Variants in TAL2 observed in about 807,000 individuals in gnomAD.
The protein encoded by TAL2 is T-cell acute lymphocytic leukemia protein 2.
For synonymous variants in TAL2, 48 were observed against 52.4 expected, an observed-to-expected ratio of 0.92 and a Z score of 0.36; for missense variants, 114 against 129.6, an observed-to-expected ratio of 0.88 and a Z score of 0.58.
chr9:105,662,630 G>T lies in TAL2; in HGVS notation c.134G>T (p.Arg45Leu), dbSNP rs748538341. The change falls in exon 1 of 1, where the codon CGC becomes CTC. Residue 45 changes from arginine (R) to leucine (L), a missense_variant. Physicochemically the swap from Arg to Leu is moderately radical, Grantham distance 102. Coordinates refer to ENST00000334077, the MANE Select transcript of TAL2 (RefSeq NM_005421.3). ...AAGCTGAGCAAAAATGAAACGCTTC[G>T]CCTGGCAATGAGGTATATCAACTTC... ...DKKLSKNETL[R>L]LAMRYINFLV... is the part of the protein sequence containing the mutation. 1 of 1,613,944 alleles carries T rather than the reference G, an allele frequency of 6.2e-7. No homozygotes were observed. The highest frequency in any genetic ancestry group is 8.5e-7 in the Non-Finnish European group (1 of 1,180,000).
Position 105,662,607 on chromosome 9 carries a change from G to A in TAL2, c.111G>A (p.Lys37=). 6.2e-7 allele frequency: 1 copy of A among 1,613,926 alleles called. No individual in the cohort carries two copies. ...KLIPTHPPDK[K]LSKNETLRLA... is the part of the protein sequence containing the mutation. ...TCCCCACTCACCCTCCAGACAAAAA[G>A]CTGAGCAAAAATGAAACGCTTCGCC... The change falls in exon 1 of 1, where the codon AAG becomes AAA. Residue 37 remains lysine (K), a synonymous_variant. Transcript: ENST00000334077.
At position 105,662,526 on chromosome 9, in the gene TAL2, G is replaced by A; in HGVS notation, c.30G>A (p.Arg10=). Residue 10 remains arginine (R), a synonymous_variant, in exon 1 of 1, where the codon AGG becomes AGA. Transcript: ENST00000334077. MTRKIFTNT[R]ERWRQQNVNS... ...CCAGGAAGATCTTCACAAATACCAGGGAGCGGTGGAGGCAGCAGAATGTCA... is the reference window on the plus strand; with the variant it reads ...CCAGGAAGATCTTCACAAATACCAGAGAGCGGTGGAGGCAGCAGAATGTCA... 1 of 1,610,064 alleles carries A rather than the reference G, an allele frequency of 6.2e-7. No individual in the cohort carries two copies. The highest frequency in any genetic ancestry group is 8.5e-7 in the Non-Finnish European group (1 of 1,178,820).
chr9:105,662,734 C>T lies in TAL2; in HGVS notation c.238C>T (p.Gln80Ter), dbSNP rs765092667. 4.4e-6 allele frequency: 7 copies of T among 1,594,830 alleles called. No homozygotes were observed. Among genetic ancestry groups the T allele is most frequent in the Non-Finnish European group, 6.0e-6 (7 of 1,170,282 alleles). ...GGGGAACATTCTGGGGCTCTTCCCTCAAGGACCCCACCTGCCAGGCCTGGA... is the reference window on the plus strand; with the variant it reads ...GGGGAACATTCTGGGGCTCTTCCCTTAAGGACCCCACCTGCCAGGCCTGGA... ...AQGNILGLFP[Q>*]GPHLPGLEDR... Residue 80 changes from glutamine (Q) to a stop codon, truncating the protein, a stop_gained, in exon 1 of 1, where the codon CAA becomes TAA. Coordinates refer to ENST00000334077, the MANE Select transcript of TAL2 (RefSeq NM_005421.3). LOFTEE classifies it low-confidence loss of function (END_TRUNC).
At position 105,662,885 on chromosome 9, in the gene TAL2, AC is replaced by A; in HGVS notation, c.*63del. The A allele has an allele frequency of 7.6e-7, 1 of 1,311,832 alleles. No individual in the cohort carries two copies. Among genetic ancestry groups the A allele is most frequent in the African/African-American group, 1.5e-5 (1 of 66,580 alleles). 81.3% of individuals were successfully genotyped at this position (1,311,832 alleles called of 1,614,324 possible). On this transcript the variant is annotated 3_prime_UTR_variant, in exon 1 of 1. Coordinates refer to ENST00000334077, the MANE Select transcript of TAL2 (RefSeq NM_005421.3). ...CCCAGAAATCACTGCCTGTGGACAG[AC>A]TTTTGCATGTTCCAGAGTTGACCTG...
chr9:105,662,717 T>G lies in TAL2; in HGVS notation c.221T>G (p.Ile74Ser). 2 of 1,606,864 alleles carry G rather than the reference T, an allele frequency of 1.2e-6. No homozygotes were observed. Among genetic ancestry groups the G allele is most frequent in the Non-Finnish European group, 1.7e-6 (2 of 1,176,376 alleles). ...ACGGGAGTGGCTGCTCAGGGGAACA[T>G]TCTGGGGCTCTTCCCTCAAGGACCC... ...QQTGVAAQGNILGLFPQGPHL... is the reference protein window; with the variant it reads ...QQTGVAAQGNSLGLFPQGPHL... Residue 74 changes from isoleucine to serine, a missense_variant, in exon 1 of 1, where the codon ATT (isoleucine) becomes AGT (serine). Ile to Ser is a moderately radical substitution (Grantham distance 142). Transcript: ENST00000334077.
chr9:105,662,525 G>T lies in TAL2; in HGVS notation c.29G>T (p.Arg10Met). Residue 10 changes from arginine (R) to methionine (M), a missense_variant, in exon 1 of 1, where the codon AGG becomes ATG. Physicochemically the swap from Arg to Met is moderately conservative, Grantham distance 91 (BLOSUM62 -1). Transcript: ENST00000334077. Reference protein sequence around the residue: MTRKIFTNTRERWRQQNVNS... With the variant: MTRKIFTNTMERWRQQNVNS... ...ACCAGGAAGATCTTCACAAATACCA[G>T]GGAGCGGTGGAGGCAGCAGAATGTC... The T allele has an allele frequency of 6.2e-7, 1 of 1,610,076 alleles. No homozygotes were observed. The highest frequency in any genetic ancestry group is 8.5e-7 in the Non-Finnish European group (1 of 1,178,854).
In TAL2 at chr9:105,662,681, G is replaced by T; in HGVS notation, c.185G>T (p.Ser62Ile). 6.2e-7 allele frequency: 1 copy of T among 1,613,368 alleles called. No individual in the cohort carries two copies. The highest frequency in any genetic ancestry group is 8.5e-7 in the Non-Finnish European group (1 of 1,179,690). ...TTGGTCAAGGTCTTGGGGGAGCAAA[G>T]CCTGCAACAAACGGGAGTGGCTGCT... ...NFLVKVLGEQSLQQTGVAAQG... is the reference protein window; with the variant it reads ...NFLVKVLGEQILQQTGVAAQG... Residue 62 changes from serine to isoleucine, a missense_variant, in exon 1 of 1, where the codon AGC becomes ATC. By Grantham distance (142) the Ser-to-Ile change is moderately radical (BLOSUM62 -2). Coordinates refer to ENST00000334077, the MANE Select transcript of TAL2 (RefSeq NM_005421.3).
chr9:105,662,645 A>G lies in TAL2; in HGVS notation c.149A>G (p.Tyr50Cys). Residue 50 changes from tyrosine (Y) to cysteine (C), a missense_variant, in exon 1 of 1, where the codon TAT becomes TGT. Tyr to Cys is a radical substitution (Grantham distance 194). Coordinates refer to ENST00000334077, the MANE Select transcript of TAL2 (RefSeq NM_005421.3). ...GAAACGCTTCGCCTGGCAATGAGGT[A>G]TATCAACTTCTTGGTCAAGGTCTTG... ...KNETLRLAMRYINFLVKVLGE... is the reference protein window; with the variant it reads ...KNETLRLAMRCINFLVKVLGE... 3 of 1,614,046 alleles carry G rather than the reference A, an allele frequency of 1.9e-6. No individual in the cohort carries two copies. Among genetic ancestry groups the G allele is most frequent in the Non-Finnish European group, 2.5e-6 (3 of 1,179,982 alleles).
In TAL2 at chr9:105,662,809, C is replaced by T. The variant is rs1365356124; in HGVS notation, c.313C>T (p.His105Tyr). The T allele has an allele frequency of 6.6e-7, 1 of 1,508,308 alleles. No individual in the cohort carries two copies. The highest frequency in any genetic ancestry group is 1.4e-5 in the African/African-American group (1 of 71,388). The allele number at this position is 1,508,308 out of a possible 1,614,324, so 93.4% of individuals were successfully genotyped here. Residue 105 changes from histidine (H) to tyrosine (Y), a missense_variant, in exon 1 of 1, where the codon CAC (histidine) becomes TAC (tyrosine). Coordinates refer to ENST00000334077, the MANE Select transcript of TAL2 (RefSeq NM_005421.3). Reference protein sequence around the residue: ...NYQVPSPGPSHHIP With the variant: ...NYQVPSPGPSYHIP ...CCAGGTTCCTTCACCTGGTCCAAGCCACCACATTCCTTAGTGTGGCTCTGG... is the reference window on the plus strand; with the variant it reads ...CCAGGTTCCTTCACCTGGTCCAAGCTACCACATTCCTTAGTGTGGCTCTGG...
rs142485426 is a variant in TAL2, at chr9:105,662,788, G to T, written c.292G>T (p.Val98Phe). ...EDRTLLENYQ[V>F]PSPGPSHHIP ...CAGAACTCTGCTTGAGAACTACCAG[G>T]TTCCTTCACCTGGTCCAAGCCACCA... is the stretch of plus-strand genomic sequence containing the variant. Residue 98 changes from valine to phenylalanine, a missense_variant, in exon 1 of 1, where the codon GTT becomes TTT. Coordinates refer to ENST00000334077, the MANE Select transcript of TAL2 (RefSeq NM_005421.3). The T allele has an allele frequency of 6.6e-7, 1 of 1,524,130 alleles. No homozygotes were observed. Among genetic ancestry groups the T allele is most frequent in the Non-Finnish European group, 8.8e-7 (1 of 1,137,448 alleles). 94.4% of individuals were successfully genotyped at this position (1,524,130 alleles called of 1,614,324 possible).
Position 105,662,538 on chromosome 9 carries a change from G to C in TAL2, c.42G>C (p.Arg14Ser). The change falls in exon 1 of 1, where the codon AGG becomes AGC. Residue 14 changes from arginine to serine, a missense_variant. Transcript: ENST00000334077. ...KIFTNTRERW[R>S]QQNVNSAFAK... is the part of the protein sequence containing the mutation. ...TCACAAATACCAGGGAGCGGTGGAG[G>C]CAGCAGAATGTCAACAGCGCCTTTG... is the stretch of plus-strand genomic sequence containing the variant. 6.2e-7 allele frequency: 1 copy of C among 1,613,064 alleles called. No homozygotes were observed. The highest frequency in any genetic ancestry group is 1.1e-5 in the South Asian group (1 of 90,734).
Position 105,662,463 on chromosome 9 carries a change from G to C in TAL2, c.-34G>C. 2 of 1,547,086 alleles carry C rather than the reference G, an allele frequency of 1.3e-6. No individual in the cohort carries two copies. The highest frequency in any genetic ancestry group is 1.7e-6 in the Non-Finnish European group (2 of 1,148,964). On this transcript the variant is annotated 5_prime_UTR_variant, in exon 1 of 1. Coordinates refer to ENST00000334077, the MANE Select transcript of TAL2 (RefSeq NM_005421.3). ...GCCTCTTATAAGATATTGGCCCTGA[G>C]GGCCCTTTCTCTTTCCATCTCAGGA...
chr9:105,662,767 A>T lies in TAL2; in HGVS notation c.271A>T (p.Thr91Ser). ...GPHLPGLEDR[T>S]LLENYQVPSP... Reference sequence around the variant, plus strand: ...CCACCTGCCAGGCCTGGAGGACAGAACTCTGCTTGAGAACTACCAGGTTCC... The same window carrying T: ...CCACCTGCCAGGCCTGGAGGACAGATCTCTGCTTGAGAACTACCAGGTTCC... The change falls in exon 1 of 1, where the codon ACT (threonine) becomes TCT (serine). Residue 91 changes from threonine (T) to serine (S), a missense_variant. Coordinates refer to ENST00000334077, the MANE Select transcript of TAL2 (RefSeq NM_005421.3). 6.5e-7 allele frequency: 1 copy of T among 1,548,832 alleles called. No homozygotes were observed. Among genetic ancestry groups the T allele is most frequent in the South Asian group, 1.3e-5 (1 of 78,766 alleles).
At position 105,662,760 on chromosome 9, in the gene TAL2, G is replaced by A. The variant is rs536131838; in HGVS notation, c.264G>A (p.Glu88=). Residue 88 remains glutamate, a synonymous_variant, in exon 1 of 1, where the codon GAG becomes GAA. Transcript: ENST00000334077. ...FPQGPHLPGL[E]DRTLLENYQV... ...AAGGACCCCACCTGCCAGGCCTGGAGGACAGAACTCTGCTTGAGAACTACC... is the reference window on the plus strand; with the variant it reads ...AAGGACCCCACCTGCCAGGCCTGGAAGACAGAACTCTGCTTGAGAACTACC... 1.3e-5 allele frequency: 21 copies of A among 1,562,832 alleles called. No homozygotes were observed. Among genetic ancestry groups the A allele is most frequent in the Admixed American group, 1.9e-5 (1 of 52,410 alleles).
At position 105,662,675 on chromosome 9, in the gene TAL2, A is replaced by C; in HGVS notation, c.179A>C (p.Glu60Ala). 6.2e-7 allele frequency: 1 copy of C among 1,613,142 alleles called. No homozygotes were observed. The highest frequency in any genetic ancestry group is 1.1e-5 in the South Asian group (1 of 90,788). ...AACTTCTTGGTCAAGGTCTTGGGGGAGCAAAGCCTGCAACAAACGGGAGTG... is the reference window on the plus strand; with the variant it reads ...AACTTCTTGGTCAAGGTCTTGGGGGCGCAAAGCCTGCAACAAACGGGAGTG... ...YINFLVKVLGEQSLQQTGVAA... is the reference protein window; with the variant it reads ...YINFLVKVLGAQSLQQTGVAA... Residue 60 changes from glutamate to alanine, a missense_variant, in exon 1 of 1, where the codon GAG becomes GCG. Transcript: ENST00000334077.
rs1268733868 is a variant in TAL2 at position 105,662,603 on chromosome 9, A to C, written c.107A>C (p.Lys36Thr). The C allele has an allele frequency of 6.2e-7, 1 of 1,614,042 alleles. No homozygotes were observed. The highest frequency in any genetic ancestry group is 1.7e-5 in the Admixed American group (1 of 60,006). Reference protein sequence around the residue: ...RKLIPTHPPDKKLSKNETLRL... With the variant: ...RKLIPTHPPDTKLSKNETLRL... ...CTCATCCCCACTCACCCTCCAGACAAAAAGCTGAGCAAAAATGAAACGCTT... is the reference window on the plus strand; with the variant it reads ...CTCATCCCCACTCACCCTCCAGACACAAAGCTGAGCAAAAATGAAACGCTT... The change falls in exon 1 of 1, where the codon AAA becomes ACA. Residue 36 changes from lysine (K) to threonine (T), a missense_variant. Physicochemically the swap from Lys to Thr is moderately conservative, Grantham distance 78 (BLOSUM62 -1). Transcript: ENST00000334077.
At position 105,662,509 on chromosome 9, in the gene TAL2, A is replaced by G. The variant is rs1206381468; in HGVS notation, c.13A>G (p.Ile5Val). 1 of 1,605,500 alleles carries G rather than the reference A, an allele frequency of 6.2e-7. No homozygotes were observed. Among genetic ancestry groups the G allele is most frequent in the Non-Finnish European group, 8.5e-7 (1 of 1,177,118 alleles). ...CAGGAACTCAAACATGACCAGGAAG[A>G]TCTTCACAAATACCAGGGAGCGGTG... MTRK[I>V]FTNTRERWRQ... Residue 5 changes from isoleucine (I) to valine (V), a missense_variant, in exon 1 of 1, where the codon ATC becomes GTC. Physicochemically the swap from Ile to Val is conservative, Grantham distance 29. Transcript: ENST00000334077.
rs1564373819 is a variant in TAL2, at chr9:105,662,626, C to T, written c.130C>T (p.Leu44Phe). The change falls in exon 1 of 1, where the codon CTT becomes TTT. Residue 44 changes from leucine (L) to phenylalanine (F), a missense_variant. Transcript: ENST00000334077. The part of the protein sequence containing the change: ...PDKKLSKNET[L>F]RLAMRYINFL... ...CAAAAAGCTGAGCAAAAATGAAACG[C>T]TTCGCCTGGCAATGAGGTATATCAA... is the stretch of plus-strand genomic sequence containing the variant. The T allele has an allele frequency of 6.2e-7, 1 of 1,614,104 alleles. No individual in the cohort carries two copies.
In TAL2 at chr9:105,663,029, C is replaced by G. The variant is rs1372590615; in HGVS notation, c.*206C>G. 4.8e-6 allele frequency: 2 copies of G among 414,180 alleles called. No homozygotes were observed. The highest frequency in any genetic ancestry group is 2.1e-5 in the African/African-American group (1 of 48,422). The allele number at this position is 414,180 out of a possible 1,614,324, so 25.7% of individuals were successfully genotyped here. On this transcript the variant is annotated 3_prime_UTR_variant, in exon 1 of 1. Transcript: ENST00000334077. ...GTGGGCCGCCACCCCCCAGGGATGTCAGGTAGAGCGGCCTACCTCTGCCTA... is the reference window on the plus strand; with the variant it reads ...GTGGGCCGCCACCCCCCAGGGATGTGAGGTAGAGCGGCCTACCTCTGCCTA...
Sources: gnomAD v4.1 joint callset for allele counts on GRCh38, gnomAD v4.1.1 for gene constraint, MANE v1.5 for transcripts, NCBI Gene and HGNC (gene_info 2026-07-23, HGNC 2026-07-21) for gene names.